Variants in ADAM11 observed in about 807,000 individuals in gnomAD.
ADAM11 encodes the protein disintegrin and metalloproteinase domain-containing protein 11.
A neutral mutation model predicts 119.1 loss-of-function variants in ADAM11; 49 were observed. The observed-to-expected ratio is 0.41, with a 90% CI of 0.33 to 0.52. The LOEUF (loss-of-function observed/expected upper bound fraction) is 0.52. Among genes scored for constraint, ADAM11 ranks in the 20% least tolerant of loss-of-function variants. The pLI is 0.20. For synonymous variants in ADAM11, 364 were observed against 408.0 expected, an observed-to-expected ratio of 0.89 and a Z score of 1.30; for missense variants, 777 against 1,047.5, an observed-to-expected ratio of 0.74 and a Z score of 3.56.
intron 2 of ADAM11, among the ~76,000 whole-genome samples, 173 bp from the exon 3 acceptor site, chr17:44,769,545 G>A (rs934413442): frequency 2.0e-5 from 3 of 152,250 alleles, no homozygotes; most frequent in African/African-American, 2.4e-5. Flanking sequence ...AAAGGAGCAG[G>A]GTCGTGGAGG....
chr17:44,778,090 G>T (rs1449250752), intron 24 of ADAM11, 24 bp downstream of exon 24: 1 of 1,610,666 alleles, frequency 6.2e-7, no homozygotes, highest in South Asian at 1.1e-5. Flanking sequence ...TGGCCGAGGG[G>T]GGTCTGTCTG....
chr17:44,777,552 G>A lies in ADAM11; in HGVS notation c.1852G>A (p.Asp618Asn). 1 of 1,614,202 alleles carries A rather than the reference G, an allele frequency of 6.2e-7. No individual in the cohort carries two copies. Among genetic ancestry groups the A allele is most frequent in the Non-Finnish European group, 8.5e-7 (1 of 1,180,034 alleles). ...GAPRLGDLVGDISSVTFYHQG... is the reference protein window; with the variant it reads ...GAPRLGDLVGNISSVTFYHQG... ...TCCTCGGCTAGGGGACCTGGTGGGAGACATCAGTAGTGTCACCTTCTACCA... is the reference window on the plus strand; with the variant it reads ...TCCTCGGCTAGGGGACCTGGTGGGAAACATCAGTAGTGTCACCTTCTACCA... The change falls in exon 22 of 27, where the codon GAC becomes AAC. Residue 618 changes from aspartate to asparagine, a missense_variant. Asp to Asn is a conservative substitution (Grantham distance 23). Around this residue, in one of 4 missense-constraint regions of ADAM11, gnomAD observed 348 missense variants for 486.7 expected, o/e 0.72. Transcript: ENST00000200557. The surrounding 1 kb of genome is among the most constrained non-coding windows in gnomAD (Gnocchi z 5.1).
chr17:44,770,488 T>TCCCCCCCCCCC (rs754119100), intron 4 of ADAM11, among the ~76,000 whole-genome samples: 1 of 60,248 alleles, frequency 1.7e-5, no homozygotes, highest in Admixed American at 2.1e-4. Context: ...ATAGCCTGTC[T>TCCCCCCCCCCC]CCCCCCCCCC....
chr17:44,773,395 G>A lies in ADAM11; in HGVS notation c.960G>A (p.Leu320=). 6.2e-7 allele frequency: 1 copy of A among 1,613,822 alleles called. No homozygotes were observed. The part of the protein sequence containing the change: ...ARLMVYRREG[L]PEPSDATHLF... ...TCATGGTCTACCGACGGGAGGGTCTGCCTGAGCCCAGTGATGCCACCCACC... is the reference window on the plus strand; with the variant it reads ...TCATGGTCTACCGACGGGAGGGTCTACCTGAGCCCAGTGATGCCACCCACC... Residue 320 remains leucine, a synonymous_variant, in exon 11 of 27, where the codon CTG becomes CTA. Coordinates refer to ENST00000200557, the MANE Select transcript of ADAM11 (RefSeq NM_002390.6). The surrounding 1 kb of genome is among the most constrained non-coding windows in gnomAD (Gnocchi z 4.6).
At chr17:44,768,254 C>T (rs1015716899) in intron 2 of ADAM11, among the ~76,000 whole-genome samples, 2 of 152,180 alleles carry the variant, frequency 1.3e-5, no homozygotes, top group African/African-American at 2.4e-5. Flanking sequence ...GACTCCTTGT[C>T]CTTGACTTTC....
intron 6 of ADAM11, 92 bp downstream of exon 6, chr17:44,771,923 C>T: frequency 2.1e-6 from 3 of 1,430,242 alleles, no homozygotes. Context: ...TCCTCCGGCT[C>T]CTCCCTCAGT....
intron 26 of ADAM11, 193 bp from the exon 27 acceptor site, chr17:44,779,546 G>A (rs1340119685): frequency 1.0e-6 from 1 of 984,204 alleles, no homozygotes; most frequent in Non-Finnish European, 1.2e-6. Context: ...TCCCCGGGAG[G>A]GCCCTCCCTG....
At position 44,775,661 on chromosome 17, in the gene ADAM11, C is replaced by T; in HGVS notation, c.1470C>T (p.Cys490=). The stretch of plus-strand genomic sequence containing the variant: ...ACGCCATGTGCAGCGACGGGCTCTG[C>T]TGTCGCCGCTGCAAGGTAAGCAGGA... ...THDAMCSDGL[C]CRRCKYEPRG... The change falls in exon 17 of 27, where the codon TGC becomes TGT. Residue 490 remains cysteine (C), a synonymous_variant. Transcript: ENST00000200557. This position sits in a 1 kb window ranked among gnomAD's most constrained non-coding sequence, Gnocchi z 7.5. 6.3e-7 allele frequency: 1 copy of T among 1,586,184 alleles called. No homozygotes were observed.
chr17:44,772,135 C>A lies in ADAM11; in HGVS notation c.544-132C>A. ...ATCTGAGCATCTGGGAGATCAGATCCGACATGGGAGCTGTGGCCAGTTCTG... is the reference window on the plus strand; with the variant it reads ...ATCTGAGCATCTGGGAGATCAGATCAGACATGGGAGCTGTGGCCAGTTCTG... On this transcript the variant is annotated intron_variant, in intron 6 of 26. Coordinates refer to ENST00000200557, the MANE Select transcript of ADAM11 (RefSeq NM_002390.6). This position sits in a 1 kb window ranked among gnomAD's most constrained non-coding sequence, Gnocchi z 4.5. 2.2e-6 allele frequency: 2 copies of A among 907,958 alleles called. No individual in the cohort carries two copies. Among genetic ancestry groups the A allele is most frequent in the Non-Finnish European group, 3.3e-6 (2 of 597,402 alleles). The allele number at this position is 907,958 out of a possible 1,614,324, so 56.2% of individuals were successfully genotyped here. A position where few individuals can be genotyped will look rare whatever the true frequency, so the allele number is the denominator to read the frequency against.
At chr17:44,769,912 C>A (rs1339609242) in intron 3 of ADAM11, 70 bp from the exon 4 acceptor site, 1 of 1,608,554 alleles carries the variant, frequency 6.2e-7, no homozygotes, top group East Asian at 2.2e-5. Context: ...TGGGTCCTGA[C>A]CTGAGGCGAG....
Position 44,774,280 on chromosome 17 carries a change from C to T in ADAM11, c.993-15C>T, listed in dbSNP as rs1203547295. On this transcript the variant is annotated splice_polypyrimidine_tract_variant and intron_variant, in intron 11 of 26. Transcript: ENST00000200557. ...GGAGGGCAGGAGGCCATCCTGACAG[C>T]GCACTCCCTTCCAGGGGCAGGACCT... 1.4e-6 allele frequency: 2 copies of T among 1,453,004 alleles called. No homozygotes were observed. The highest frequency in any genetic ancestry group is 1.8e-6 in the Non-Finnish European group (2 of 1,100,068). 90.0% of individuals were successfully genotyped at this position (1,453,004 alleles called of 1,614,324 possible).
chr17:44,778,370 T>G, intron 25 of ADAM11, 128 bp downstream of exon 25: 1 of 941,554 alleles, frequency 1.1e-6, no homozygotes, highest in African/African-American at 1.7e-5. Context: ...TAGGTCCAAG[T>G]AGCCTGCAGG....
Position 44,759,894 on chromosome 17 carries a change from C to A in ADAM11, c.234C>A (p.Gly78=). 1 of 1,296,824 alleles carries A rather than the reference C, an allele frequency of 7.7e-7. No homozygotes were observed. Among genetic ancestry groups the A allele is most frequent in the Non-Finnish European group, 9.8e-7 (1 of 1,015,232 alleles). The allele number at this position is 1,296,824 out of a possible 1,614,324, so 80.3% of individuals were successfully genotyped here. A position where few individuals can be genotyped will look rare whatever the true frequency, so the allele number is the denominator to read the frequency against. The change falls in exon 2 of 27, where the codon GGC becomes GGA. Residue 78 remains glycine (G), a synonymous_variant. Transcript: ENST00000200557. The part of the protein sequence containing the change: ...DTRVRQEPPG[G]PPVHLAQVSF... ...GGGTCCGCCAGGAGCCACCAGGGGGCCCGGTGAGTGGGGCTGGGTGGTGAG... is the reference window on the plus strand; with the variant it reads ...GGGTCCGCCAGGAGCCACCAGGGGGACCGGTGAGTGGGGCTGGGTGGTGAG...
At chr17:44,774,612 C>G in intron 13 of ADAM11, 30 bp downstream of exon 13, 1 of 1,606,796 alleles carries the variant, frequency 6.2e-7, no homozygotes, top group Non-Finnish European at 8.5e-7. Flanking sequence ...CCCGTGTGGC[C>G]CACGCCCAGC....
chr17:44,760,603 C>T (rs1277618581), intron 2 of ADAM11, among the ~76,000 whole-genome samples: 1 of 152,158 alleles, frequency 6.6e-6, no homozygotes, highest in East Asian at 1.9e-4. Flanking sequence ...CCCAGCGCTC[C>T]AAGAGCTGGA....
Position 44,769,733 on chromosome 17 carries a change from C to G in ADAM11, c.253C>G (p.Gln85Glu), listed in dbSNP as rs1350878305. ...PPGGPPVHLA[Q>E]VSFVIPAFNS... is the part of the protein sequence containing the mutation. The stretch of plus-strand genomic sequence containing the variant: ...CCCCACCCAGCCTGTCCATCTGGCC[C>G]AGGTGAGTTTCGTCATCCCAGCCTT... The change falls in exon 3 of 27, where the codon CAG becomes GAG. Residue 85 changes from glutamine (Q) to glutamate (E), a missense_variant. Gln to Glu is a conservative substitution (Grantham distance 29, BLOSUM62 2). This residue lies in a region of ADAM11 where 278 missense variants were observed against 310.1 expected (regional missense o/e 0.90). Coordinates refer to ENST00000200557, the MANE Select transcript of ADAM11 (RefSeq NM_002390.6). The G allele has an allele frequency of 6.2e-7, 1 of 1,613,978 alleles. No homozygotes were observed. The highest frequency in any genetic ancestry group is 1.7e-5 in the Admixed American group (1 of 60,020).
In ADAM11 at chr17:44,779,798, C is replaced by G. The variant is rs1452372578; in HGVS notation, c.*44C>G. 1 of 1,610,864 alleles carries G rather than the reference C, an allele frequency of 6.2e-7. No individual in the cohort carries two copies. The highest frequency in any genetic ancestry group is 1.1e-5 in the South Asian group (1 of 91,004). On this transcript the variant is annotated 3_prime_UTR_variant, in exon 27 of 27. Transcript: ENST00000200557. ...CAAGCCTGGCACCCACCGTCTCGGC[C>G]CTGAACCACGAGGCTGCCCCCATCC...
At chr17:44,774,207 A>T in intron 11 of ADAM11, 88 bp from the exon 12 acceptor site, 1 of 794,392 alleles carries the variant, frequency 1.3e-6, no homozygotes, top group Non-Finnish European at 1.9e-6. Flanking sequence ...GAAGGACTCT[A>T]GTGTGAGGGG....
chr17:44,770,433 C>T (rs1250588490), intron 4 of ADAM11, among the ~76,000 whole-genome samples: 2 of 152,092 alleles, frequency 1.3e-5, no homozygotes, highest in African/African-American at 4.8e-5. Flanking sequence ...ACTAGGGTCC[C>T]AGCCCTGAAG....
Sources: gnomAD v4.1 joint callset for allele counts (sites outside exome capture counted in the v4.1 genomes callset) on GRCh38, gnomAD v4.1.1 for gene constraint, gnomAD v4.1.1 regional missense constraint, Gnocchi (gnomAD v3.1) non-coding constraint, MANE v1.5 for transcripts, NCBI Gene and HGNC (gene_info 2026-07-23, HGNC 2026-07-21) for gene names.